The following SLCO1B1 variants were observed in gnomAD, a reference collection of about 807,000 sequenced individuals.
SLCO1B1 encodes solute carrier organic anion transporter family member 1B1.
In SLCO1B1, 81 loss-of-function variants were observed where a neutral mutation model predicts 70.1. That is an observed-to-expected ratio of 1.16 (90% CI 0.97 to 1.39). The LOEUF is 1.39. Ranked by LOEUF, SLCO1B1 falls within the 40% of genes most tolerant of loss-of-function variation. The probability of loss-of-function intolerance (pLI) is 0.00; values close to 1 mark genes in which losing one functional copy is unlikely to be tolerated. For synonymous variants in SLCO1B1, 283 were observed against 271.5 expected, an observed-to-expected ratio of 1.04 and a Z score of -0.42; for missense variants, 895 against 799.6, an observed-to-expected ratio of 1.12 and a Z score of -1.44.
intron 12 of SLCO1B1, 36 bp from the exon 13 acceptor site, chr12:21,222,264 G>C (rs1941430116): frequency 3.0e-6 from 3 of 984,176 alleles, no homozygotes; most frequent in Non-Finnish European, 4.4e-6. Context: ...ATATTTTAAT[G>C]ATATTTAATG....
intron 1 of SLCO1B1, among the ~76,000 whole-genome samples, chr12:21,139,559 C>T (rs1034057733): frequency 1.3e-4 from 20 of 152,032 alleles, no homozygotes; most frequent in Non-Finnish European, 2.4e-4. Flanking sequence ...TATTCAGAAT[C>T]CATCAGCCCT....
chr12:21,237,118 T>G (rs1941603848), intron 14 of SLCO1B1, among the ~76,000 whole-genome samples: 1 of 152,160 alleles, frequency 6.6e-6, no homozygotes, highest in African/African-American at 2.4e-5. Flanking sequence ...CTTCTATTCT[T>G]TTTTCTTCTG....
chr12:21,224,629 T>C, intron 13 of SLCO1B1, 93 bp from the exon 14 acceptor site: 1 of 843,690 alleles, frequency 1.2e-6, no homozygotes. Context: ...ATTTTTGAAC[T>C]TTTATTTAAT....
chr12:21,229,491 A>G (rs2121200850), intron 14 of SLCO1B1, among the ~76,000 whole-genome samples: 1 of 152,308 alleles, frequency 6.6e-6, no homozygotes, highest in African/African-American at 2.4e-5. Context: ...GCATTTTTAG[A>G]CTAGCTTATT....
chr12:21,189,965 C>T (rs1051780701), intron 7 of SLCO1B1, among the ~76,000 whole-genome samples: 1 of 152,028 alleles, frequency 6.6e-6, no homozygotes, highest in Non-Finnish European at 1.5e-5. Flanking sequence ...CAATTTTTTC[C>T]TCCTAATTGT....
intron 1 of SLCO1B1, among the ~76,000 whole-genome samples, chr12:21,131,639 T>C (rs1197170665): frequency 1.3e-5 from 2 of 151,994 alleles, no homozygotes; most frequent in African/African-American, 4.8e-5. Context: ...CTTAACTGGA[T>C]GAAGGCAGCC....
intron 11 of SLCO1B1, among the ~76,000 whole-genome samples, chr12:21,208,054 A>C (rs1194191590): frequency 1.3e-5 from 2 of 151,978 alleles, no homozygotes; most frequent in Non-Finnish European, 2.9e-5. Flanking sequence ...CCTGTGTTAG[A>C]TGCATGGTTT....
rs1233372012 is a variant in SLCO1B1, at chr12:21,172,708, T to G, written c.143T>G (p.Met48Arg). Residue 48 changes from methionine (M) to arginine (R), a missense_variant, in exon 3 of 15, where the codon ATG becomes AGG. Coordinates refer to ENST00000256958, the MANE Select transcript of SLCO1B1 (RefSeq NM_006446.5). The stretch of plus-strand genomic sequence containing the variant: ...GCTAAGACACTAGGTGCAATTATTA[T>G]GAAAAGTTCCATCATTCATATAGAA... Reference protein sequence around the residue: ...FIAKTLGAIIMKSSIIHIERR... With the variant: ...FIAKTLGAIIRKSSIIHIERR... 1 of 1,613,716 alleles carries G rather than the reference T, an allele frequency of 6.2e-7. No homozygotes were observed. Among genetic ancestry groups the G allele is most frequent in the African/African-American group, 1.3e-5 (1 of 74,938 alleles).
Position 21,224,776 on chromosome 12 carries a change from A to C in SLCO1B1, c.1802A>C (p.Lys601Thr). The C allele has an allele frequency of 6.2e-7, 1 of 1,612,570 alleles. No homozygotes were observed. Among genetic ancestry groups the C allele is most frequent in the African/African-American group, 1.3e-5 (1 of 74,996 alleles). The change falls in exon 14 of 15, where the codon AAG becomes ACG. Residue 601 changes from lysine to threonine, a missense_variant. Physicochemically the swap from Lys to Thr is moderately conservative, Grantham distance 78 (BLOSUM62 -1). Transcript: ENST00000256958. The stretch of plus-strand genomic sequence containing the variant: ...GCTCTGATTGATACAACGTGTATAA[A>C]GTGGTCCACCAACAACTGTGGCACA... ...FGALIDTTCI[K>T]WSTNNCGTRG...
intron 2 of SLCO1B1, among the ~76,000 whole-genome samples, chr12:21,157,822 G>A (rs565262540): frequency 1.6e-4 from 25 of 152,018 alleles, no homozygotes; most frequent in African/African-American, 4.1e-4. Flanking sequence ...GGATGGTCTC[G>A]ATCTCCTGAC....
chr12:21,150,945 T>C (rs1940462997), intron 2 of SLCO1B1, among the ~76,000 whole-genome samples: 1 of 152,232 alleles, frequency 6.6e-6, no homozygotes, highest in African/African-American at 2.4e-5. Flanking sequence ...TAAAAGTGAT[T>C]ACTGATATAT....
In SLCO1B1 at chr12:21,156,908, TAA is replaced by T. The variant is rs575891169; in HGVS notation, c.84+15251_84+15252del. Among the ~76,000 whole-genome samples the T allele has an allele frequency of 5.3e-5, 8 of 152,298 alleles. No homozygotes were observed. In the East Asian group the frequency reaches 1.2e-3, roughly 22 times the overall value. Reference sequence around the variant, plus strand: ...TGTGTAAATGAACTGTGAATGAATTTAAGTTTCAGAAATAAAATTTATATTAA... The same window carrying T: ...TGTGTAAATGAACTGTGAATGAATTTGTTTCAGAAATAAAATTTATATTAA... On this transcript the variant is annotated intron_variant, in intron 2 of 14. Transcript: ENST00000256958.
intron 7 of SLCO1B1, among the ~76,000 whole-genome samples, chr12:21,184,912 A>G (rs780945966): frequency 2.6e-5 from 4 of 152,172 alleles, no homozygotes; most frequent in Non-Finnish European, 4.4e-5. Context: ...AAGGAACGGA[A>G]AGAGATCTAT....
Position 21,204,927 on chromosome 12 carries a change from A to T in SLCO1B1, c.1332-941A>T, listed in dbSNP as rs1484270888. Among the ~76,000 whole-genome samples, 3 of 151,796 alleles carry T rather than the reference A, an allele frequency of 2.0e-5. No individual in the cohort carries two copies. In the East Asian group the frequency reaches 5.8e-4, roughly 29 times the overall value. Reference sequence around the variant, plus strand: ...TGACTTCATAAAGTCTTCATATACGAGATTAGTTTTCAATCTATGAATTTG... The same window carrying T: ...TGACTTCATAAAGTCTTCATATACGTGATTAGTTTTCAATCTATGAATTTG... On this transcript the variant is annotated intron_variant, in intron 10 of 14. Transcript: ENST00000256958.
chr12:21,152,823 T>G (rs1349784258), intron 2 of SLCO1B1, among the ~76,000 whole-genome samples: 3 of 151,936 alleles, frequency 2.0e-5, no homozygotes, highest in Non-Finnish European at 4.4e-5. Flanking sequence ...CAAAAATGAG[T>G]CTTGTCTCCT....
rs766417954 is a variant in SLCO1B1, at chr12:21,178,922, G to T, written c.629G>T (p.Gly210Val). Reference protein sequence around the residue: ...AKEGHSSLYLGILNAIAMIGP... With the variant: ...AKEGHSSLYLVILNAIAMIGP... ...TAAAATTGCTTTATAATATTTTCAG[G>T]TATATTGAATGCAATAGCAATGATT... The change falls in exon 7 of 15, where the codon GGT becomes GTT. Residue 210 changes from glycine (G) to valine (V), a missense_variant and splice_region_variant. Gly to Val is a moderately radical substitution (Grantham distance 109, BLOSUM62 -3). Transcript: ENST00000256958. 19 of 1,600,582 alleles carry T rather than the reference G, an allele frequency of 1.2e-5. No homozygotes were observed. The highest frequency in any genetic ancestry group is 6.6e-5 in the South Asian group (6 of 90,800).
At chr12:21,158,238 C>T (rs779759588) in intron 2 of SLCO1B1, among the ~76,000 whole-genome samples, 6 of 152,088 alleles carry the variant, frequency 3.9e-5, no homozygotes, top group Non-Finnish European at 4.4e-5. Context: ...AATATGTTGA[C>T]GTCATTAGCA....
At chr12:21,184,565 T>G (rs1219068213) in intron 7 of SLCO1B1, among the ~76,000 whole-genome samples, 1 of 152,130 alleles carries the variant, frequency 6.6e-6, no homozygotes, top group East Asian at 1.9e-4. Context: ...AAGCAAACAT[T>G]GAGGAAATTT....
chr12:21,188,538 A>C (rs916475039), intron 7 of SLCO1B1, among the ~76,000 whole-genome samples: 1 of 152,168 alleles, frequency 6.6e-6, no homozygotes, highest in Non-Finnish European at 1.5e-5. Flanking sequence ...GTCATGTAGA[A>C]TTGTAATCCC....
Sources: gnomAD v4.1 joint callset for allele counts (sites outside exome capture counted in the v4.1 genomes callset) on GRCh38, gnomAD v4.1.1 for gene constraint, MANE v1.5 for transcripts, NCBI Gene and HGNC (gene_info 2026-07-23, HGNC 2026-07-21) for gene names.